Variants in UBE2E1 observed in about 807,000 individuals in gnomAD.
The protein encoded by UBE2E1 is ubiquitin-conjugating enzyme E2 E1.
A neutral mutation model predicts 21.4 loss-of-function variants in UBE2E1; 6 were observed. The observed-to-expected ratio is 0.28, with a 90% CI of 0.15 to 0.55. UBE2E1 has a LOEUF of 0.55. Ranked by LOEUF, UBE2E1 falls within the 20% of genes least tolerant of loss-of-function variation. The pLI is 0.93. For missense variants in UBE2E1, 142 were observed against 236.5 expected, an observed-to-expected ratio of 0.60 and a Z score of 2.62; for synonymous variants, 87 against 82.7, an observed-to-expected ratio of 1.05 and a Z score of -0.28.
intron 3 of UBE2E1, among the ~76,000 whole-genome samples, chr3:23,826,768 T>A (rs1455525857): frequency 6.6e-6 from 1 of 152,068 alleles, no homozygotes; most frequent in Non-Finnish European, 1.5e-5. Context: ...GAAGGGGAGG[T>A]CTAAACACAT....
intron 3 of UBE2E1, among the ~76,000 whole-genome samples, chr3:23,867,072 T>C (rs2125316955): frequency 6.6e-6 from 1 of 151,806 alleles, no homozygotes; most frequent in East Asian, 1.9e-4. Context: ...CCTCATCTTT[T>C]TTTTTTTTCT....
At chr3:23,888,969 C>A (rs1168258824) in intron 4 of UBE2E1, 143 bp from the exon 5 acceptor site, 2 of 830,096 alleles carry the variant, frequency 2.4e-6, no homozygotes, top group Non-Finnish European at 1.8e-6. Flanking sequence ...TCAATGAACA[C>A]TTTCTAATCA....
intron 3 of UBE2E1, among the ~76,000 whole-genome samples, chr3:23,869,593 A>G (rs1700736662): frequency 6.6e-6 from 1 of 151,966 alleles, no homozygotes; most frequent in African/African-American, 2.4e-5. Flanking sequence ...AAGATAGTCA[A>G]TAAAAGATGT....
At chr3:23,846,388 G>T (rs893156301) in intron 3 of UBE2E1, among the ~76,000 whole-genome samples, 3 of 151,858 alleles carry the variant, frequency 2.0e-5, no homozygotes, top group South Asian at 4.2e-4. Context: ...ACATGGCAAG[G>T]CCACAGTCTC....
intron 3 of UBE2E1, among the ~76,000 whole-genome samples, chr3:23,869,351 CTTTTTTTTTT>C (rs58059005): frequency 0.16 from 18,544 of 114,770 alleles, 1,399 homozygotes; most frequent in Admixed American, 0.19. Flanking sequence ...TTATGGTATC[CTTTTTTTTTT>C]TTTTTTTTTT....
At chr3:23,871,293 G>A (rs1291145323) in intron 3 of UBE2E1, among the ~76,000 whole-genome samples, 1 of 100,408 alleles carries the variant, frequency 1.0e-5, no homozygotes, top group East Asian at 2.3e-4. Context: ...CTGGGCGGCT[G>A]GCCGGGCAGA....
chr3:23,812,113 TTGAAACCAGC>T (rs1699407885), intron 3 of UBE2E1, among the ~76,000 whole-genome samples: 2 of 152,218 alleles, frequency 1.3e-5, no homozygotes, highest in African/African-American at 4.8e-5. Flanking sequence ...TCAAAACAAA[TTGAAACCAGC>T]TTTCTAAGGG....
chr3:23,837,258 A>G (rs1699991703), intron 3 of UBE2E1, among the ~76,000 whole-genome samples: 1 of 152,232 alleles, frequency 6.6e-6, no homozygotes, highest in African/African-American at 2.4e-5. Flanking sequence ...AACATAAAAA[A>G]GTTAAGTAAC....
At chr3:23,889,537 T>C (rs1439484566) in intron 5 of UBE2E1, 1 of 1,386,648 alleles carries the variant, frequency 7.2e-7, no homozygotes, top group East Asian at 2.7e-5. Flanking sequence ...CCTTTTTTTT[T>C]CCTGTTGCTT....
chr3:23,887,809 C>A lies in UBE2E1; in HGVS notation c.336+110C>A, dbSNP rs1283078210. ...ACAGAAACTAGATTTATCTTATGTC[C>A]TAATAGATCTGAGTATTTTAACATA... On this transcript the variant is annotated intron_variant, in intron 4 of 5. Transcript: ENST00000306627. This position sits in a 1 kb window ranked among gnomAD's most constrained non-coding sequence, Gnocchi z 4.4. 44 of 1,372,990 alleles carry A rather than the reference C, an allele frequency of 3.2e-5. No individual in the cohort carries two copies. Among genetic ancestry groups the A allele is most frequent in the Non-Finnish European group, 4.0e-5 (41 of 1,023,408 alleles). 85.1% of individuals were successfully genotyped at this position (1,372,990 alleles called of 1,614,324 possible).
chr3:23,839,691 GA>G (rs1700045278), intron 3 of UBE2E1, among the ~76,000 whole-genome samples: 2 of 151,298 alleles, frequency 1.3e-5, no homozygotes, highest in South Asian at 4.2e-4. Context: ...TTTTTTTTTG[GA>G]AATGTTCCTG....
rs114187748 is a variant in UBE2E1, at chr3:23,835,391, C to T, written c.203+23881C>T. Among the ~76,000 whole-genome samples, 1,378 of 152,190 alleles carry T rather than the reference C, an allele frequency of 9.1e-3. 20 individuals are homozygous for T. The highest frequency in any genetic ancestry group is 0.031 in the African/African-American group (1,285 of 41,500). ...GCTGAGGTGGGAAGATCACTTGAGC[C>T]CAGGAGGTCGAGGCTAAGTGAGCTA... On this transcript the variant is annotated intron_variant, in intron 3 of 5. Coordinates refer to ENST00000306627, the MANE Select transcript of UBE2E1 (RefSeq NM_003341.5).
Position 23,889,936 on chromosome 3 carries a change from A to C in UBE2E1, c.485-573A>C, listed in dbSNP as rs13098224. ...TACACATATGTATATATATACACAC[A>C]CACAGACAAATATATTTTCTAGGTA... On this transcript the variant is annotated intron_variant, in intron 5 of 5. Transcript: ENST00000306627. 914 of 155,426 alleles carry C rather than the reference A, an allele frequency of 5.9e-3. 6 individuals carry two copies. The highest frequency in any genetic ancestry group is 9.4e-3 in the Non-Finnish European group (670 of 71,000). 9.6% of individuals were successfully genotyped at this position (155,426 alleles called of 1,614,324 possible).
At chr3:23,864,586 T>C (rs539025019) in intron 3 of UBE2E1, among the ~76,000 whole-genome samples, 1 of 152,362 alleles carries the variant, frequency 6.6e-6, no homozygotes, top group African/African-American at 2.4e-5. Context: ...CCTCTGAATG[T>C]TATTTTGTTT....
At chr3:23,821,088 C>G (rs1699633134) in intron 3 of UBE2E1, among the ~76,000 whole-genome samples, 2 of 152,204 alleles carry the variant, frequency 1.3e-5, no homozygotes, top group Non-Finnish European at 1.5e-5. Flanking sequence ...CTGCTGTGTG[C>G]TAGGCATTGT....
At chr3:23,827,066 AT>A (rs1699773348) in intron 3 of UBE2E1, among the ~76,000 whole-genome samples, 1 of 151,818 alleles carries the variant, frequency 6.6e-6, no homozygotes, top group Non-Finnish European at 1.5e-5. Flanking sequence ...CCCTTAGGAC[AT>A]TTTTTTTCAC....
At chr3:23,869,351 CTTTTTT>C (rs58059005) in intron 3 of UBE2E1, among the ~76,000 whole-genome samples, 2 of 114,620 alleles carry the variant, frequency 1.7e-5, no homozygotes, top group Admixed American at 9.1e-5. Flanking sequence ...TTATGGTATC[CTTTTTT>C]TTTTTTTTTT....
intron 3 of UBE2E1, among the ~76,000 whole-genome samples, chr3:23,844,223 T>A (rs111691223): frequency 7.0e-4 from 106 of 152,294 alleles, no homozygotes; most frequent in Admixed American, 1.4e-3. Flanking sequence ...TATTTTATTC[T>A]ATTTTATCCT....
chr3:23,882,392 T>A (rs1701066441), intron 3 of UBE2E1, among the ~76,000 whole-genome samples: 1 of 152,256 alleles, frequency 6.6e-6, no homozygotes, highest in African/African-American at 2.4e-5. Flanking sequence ...GAATGCTGAT[T>A]GGTACATTTA....
Sources: allele counts gnomAD v4.1 joint callset (sites outside exome capture counted in the v4.1 genomes callset), GRCh38; gene constraint gnomAD v4.1.1; non-coding constraint Gnocchi (gnomAD v3.1); transcripts MANE v1.5; gene names NCBI Gene and HGNC (gene_info 2026-07-23, HGNC 2026-07-21).